Variants in COL23A1 observed in about 807,000 individuals in gnomAD.
COL23A1 encodes the protein collagen alpha-1(XXIII) chain.
A neutral mutation model predicts 99.3 loss-of-function variants in COL23A1; 97 were observed. The observed-to-expected ratio is 0.98, with a 90% confidence interval of 0.83 to 1.16. The LOEUF is 1.16. COL23A1 is among the 50% of genes most tolerant of loss of function. The pLI is 0.00. For missense variants in COL23A1, 762 were observed against 757.4 expected, an observed-to-expected ratio of 1.01 and a Z score of -0.07; for synonymous variants, 320 against 308.2, an observed-to-expected ratio of 1.04 and a Z score of -0.40.
intron 2 of COL23A1, chr5:178,345,143 T>G (rs1456067547): frequency 1.6e-6 from 1 of 638,718 alleles, no homozygotes; most frequent in African/African-American, 1.8e-5. Flanking sequence ...GTTCAATCTC[T>G]TGGCACATTT....
At chr5:178,416,309 A>G (rs1338357268) in intron 2 of COL23A1, among the ~76,000 whole-genome samples, 1 of 152,262 alleles carries the variant, frequency 6.6e-6, no homozygotes, top group East Asian at 1.9e-4. Flanking sequence ...GAGATGCGCA[A>G]AGAGACAGCC....
At chr5:178,270,433 G>A in intron 5 of COL23A1, 70 bp from the exon 6 acceptor site, 7 of 1,571,954 alleles carry the variant, frequency 4.5e-6, no homozygotes, top group Non-Finnish European at 6.1e-6. Context: ...TTATGACCCA[G>A]GTGCACTATT....
At chr5:178,287,772 G>A (rs916745824) in intron 5 of COL23A1, among the ~76,000 whole-genome samples, 3 of 152,172 alleles carry the variant, frequency 2.0e-5, no homozygotes, top group South Asian at 2.1e-4. Flanking sequence ...CTCAACCCCC[G>A]CACAGGACCT....
chr5:178,471,532 C>T lies in COL23A1; in HGVS notation c.361+89150G>A, dbSNP rs1233774379. Among the ~76,000 whole-genome samples the T allele has an allele frequency of 5.7e-4, 11 of 19,252 alleles. No homozygotes were observed. The East Asian group carries it at 0.31, about 535-fold the overall frequency. 12.6% of individuals were successfully genotyped at this position (19,252 alleles called of 152,430 possible). On this transcript the variant is annotated intron_variant, in intron 2 of 28. Transcript: ENST00000390654. ...CGGATTACGGGTGTGAGCCACTGTG[C>T]CTTGGCCTGCTTTTTATATTTTCTG...
chr5:178,240,116 G>T (rs1561777990), intron 27 of COL23A1, among the ~76,000 whole-genome samples: 1 of 152,194 alleles, frequency 6.6e-6, no homozygotes, highest in African/African-American at 2.4e-5. Flanking sequence ...GGCACCTGTG[G>T]TGCCCACCCA....
chr5:178,356,678 G>C (rs999980195), intron 2 of COL23A1, among the ~76,000 whole-genome samples: 1 of 152,220 alleles, frequency 6.6e-6, no homozygotes, highest in Non-Finnish European at 1.5e-5. Flanking sequence ...CATTAAAGTA[G>C]CCATTGCCGC....
chr5:178,535,074 G>A (rs1760865140), intron 2 of COL23A1, among the ~76,000 whole-genome samples: 1 of 150,520 alleles, frequency 6.6e-6, no homozygotes, highest in Admixed American at 6.6e-5. Flanking sequence ...GTGTTCAAGC[G>A]ATTCTCCTGC....
intron 2 of COL23A1, among the ~76,000 whole-genome samples, chr5:178,377,662 G>A (rs1422392799): frequency 6.6e-6 from 1 of 152,216 alleles, no homozygotes; most frequent in African/African-American, 2.4e-5. Flanking sequence ...AGGGGTGTGG[G>A]AAGCCATGGG....
chr5:178,328,634 T>C (rs1221250149), intron 2 of COL23A1, among the ~76,000 whole-genome samples: 5 of 151,882 alleles, frequency 3.3e-5, no homozygotes, highest in African/African-American at 1.2e-4. Context: ...AAGGAAGGAG[T>C]CATTTTGTGT....
intron 2 of COL23A1, among the ~76,000 whole-genome samples, chr5:178,466,513 C>T (rs1167898176): frequency 6.6e-6 from 1 of 152,220 alleles, no homozygotes; most frequent in African/African-American, 2.4e-5. Flanking sequence ...GGCCTTACTA[C>T]TTTCCAGGGG....
chr5:178,397,340 G>A (rs1410468708), intron 2 of COL23A1, among the ~76,000 whole-genome samples: 1 of 152,256 alleles, frequency 6.6e-6, no homozygotes, highest in Non-Finnish European at 1.5e-5. Context: ...CAGGCCTCTC[G>A]CAGGAGTGAG....
At chr5:178,407,329 C>G (rs564276022) in intron 2 of COL23A1, among the ~76,000 whole-genome samples, 164 of 152,244 alleles carry the variant, frequency 1.1e-3, no homozygotes, top group Non-Finnish European at 1.2e-3. Flanking sequence ...GCTCCCTCCC[C>G]CTTTATCATC....
intron 2 of COL23A1, among the ~76,000 whole-genome samples, chr5:178,529,771 T>C (rs545883156): frequency 1.3e-5 from 2 of 152,220 alleles, no homozygotes; most frequent in South Asian, 4.1e-4. Flanking sequence ...GGGCCAGACC[T>C]CAGGCCTGAT....
At chr5:178,422,617 C>T (rs1316792355) in intron 2 of COL23A1, among the ~76,000 whole-genome samples, 2 of 152,110 alleles carry the variant, frequency 1.3e-5, no homozygotes, top group Non-Finnish European at 1.5e-5. Flanking sequence ...CGGGACCTGT[C>T]AGCACCTACC....
intron 2 of COL23A1, among the ~76,000 whole-genome samples, chr5:178,412,787 T>C (rs776652182): frequency 3.3e-5 from 5 of 152,236 alleles, no homozygotes; most frequent in African/African-American, 7.2e-5. Context: ...GGTGCTCACA[T>C]AGACTTTCCT....
intron 2 of COL23A1, among the ~76,000 whole-genome samples, chr5:178,492,269 C>T (rs1231504694): frequency 6.6e-6 from 1 of 152,088 alleles, no homozygotes. Flanking sequence ...TCTTAATCCC[C>T]AGTACCTCTG....
rs947747930 is a variant in COL23A1, at chr5:178,308,578, G to A, written c.362-1659C>T. On this transcript the variant is annotated intron_variant, in intron 2 of 28. Coordinates refer to ENST00000390654, the MANE Select transcript of COL23A1 (RefSeq NM_173465.4). The surrounding 1 kb of genome is among the most constrained non-coding windows in gnomAD (Gnocchi z 5.1). ...ACTGTGTGGGTTTACAGCTTATGAG[G>A]CACCTCCAGGCCCATGCTCCTGGCC... Among the ~76,000 whole-genome samples the A allele has an allele frequency of 6.6e-6, 1 of 152,112 alleles. No homozygotes were observed. The highest frequency in any genetic ancestry group is 1.5e-5 in the Non-Finnish European group (1 of 68,026).
chr5:178,258,236 AATATATATATATATATAT>A (rs70994992), intron 12 of COL23A1, among the ~76,000 whole-genome samples: 1 of 71,960 alleles, frequency 1.4e-5, no homozygotes, highest in Non-Finnish European at 2.9e-5. Flanking sequence ...CCTGTCTTAA[AATATATATATATATATAT>A]ATATATATAC....
At chr5:178,278,014 G>C (rs1756687455) in intron 5 of COL23A1, among the ~76,000 whole-genome samples, 1 of 152,160 alleles carries the variant, frequency 6.6e-6, no homozygotes, top group African/African-American at 2.4e-5. Context: ...AGGAAGTCTG[G>C]GGGAACACAC....
Sources: allele counts gnomAD v4.1 joint callset (sites outside exome capture counted in the v4.1 genomes callset), GRCh38; gene constraint gnomAD v4.1.1; non-coding constraint Gnocchi (gnomAD v3.1); transcripts MANE v1.5; gene names NCBI Gene and HGNC (gene_info 2026-07-23, HGNC 2026-07-21).